ANK3: variants seen among roughly 807,000 people sequenced by gnomAD.
ANK3 encodes the protein ankyrin 3.
In ANK3, 57 loss-of-function variants were observed where a neutral mutation model predicts 370.9. The ratio of observed to expected loss-of-function variants is 0.15; its 90% confidence interval spans 0.12 to 0.19. The LOEUF is 0.19. ANK3 is among the 10% of genes least tolerant of loss of function. The pLI, the probability that ANK3 is intolerant of heterozygous loss-of-function variation, is 1.00. For synonymous variants in ANK3, 1,929 were observed against 1,946.3 expected (o/e 0.99, Z 0.23); for missense variants, 4,439 against 5,302.1 (o/e 0.84, Z 5.06).
chr10:60,464,013 G>C (rs1267073026), intron 2 of ANK3, among the ~76,000 whole-genome samples: 1 of 152,024 alleles, frequency 6.6e-6, no homozygotes, highest in Non-Finnish European at 1.5e-5. Context: ...ACACTGAAAA[G>C]ATTAGCATTG....
intron 23 of ANK3, among the ~76,000 whole-genome samples, chr10:60,156,698 TA>T (rs1315273443): frequency 1.3e-5 from 2 of 152,198 alleles, no homozygotes; most frequent in Non-Finnish European, 2.9e-5. Flanking sequence ...AAGGAGTCTG[TA>T]AGAGTTGCAG....
rs574962633 is a variant in ANK3, at chr10:60,547,402, T to A, written c.96+67784A>T. Among the ~76,000 whole-genome samples, 143 of 151,968 alleles carry A rather than the reference T, an allele frequency of 9.4e-4. 1 individual carries two copies. Among genetic ancestry groups the A allele is most frequent in the African/African-American group, 3.3e-3 (138 of 41,448 alleles). On this transcript the variant is annotated intron_variant, in intron 2 of 43. Coordinates refer to the ANK3 transcript ENST00000373827. The stretch of plus-strand genomic sequence containing the variant: ...CATCGCTCCCGGTCCTTTTCTTTTT[T>A]CTTTTCTTTGTTTTTTTAAGACAGA...
At chr10:60,267,529 T>A (rs1478989692) in intron 5 of ANK3, among the ~76,000 whole-genome samples, 2 of 152,112 alleles carry the variant, frequency 1.3e-5, no homozygotes, top group African/African-American at 4.8e-5. Flanking sequence ...AGTAAAAACT[T>A]TAAAATATAT....
intron 2 of ANK3, among the ~76,000 whole-genome samples, chr10:60,453,479 C>T (rs565354599): frequency 3.9e-5 from 6 of 152,250 alleles, no homozygotes; most frequent in African/African-American, 9.6e-5. Context: ...GTGTCCCAAA[C>T]GTATCTGTGC....
intron 4 of ANK3, among the ~76,000 whole-genome samples, chr10:60,270,945 A>G (rs76687136): frequency 0.026 from 4,027 of 152,272 alleles, 179 homozygotes; most frequent in African/African-American, 0.089. Context: ...ATGTACATAC[A>G]TATGCACATA....
chr10:60,200,305 A>C, intron 12 of ANK3, 78 bp from the exon 13 acceptor site: 1 of 1,155,268 alleles, frequency 8.7e-7, no homozygotes, highest in Non-Finnish European at 1.3e-6. Flanking sequence ...AAAGCTTATG[A>C]TGGACTTTTT....
At chr10:60,213,639 A>G in intron 8 of ANK3, 129 bp from the exon 9 acceptor site, 2 of 457,714 alleles carry the variant, frequency 4.4e-6, no homozygotes, top group Non-Finnish European at 7.5e-6. Context: ...TTGCTCATTT[A>G]TTTCATAAAA....
At chr10:60,618,001 C>T (rs780456263) in intron 1 of ANK3, among the ~76,000 whole-genome samples, 30 of 152,118 alleles carry the variant, frequency 2.0e-4, no homozygotes, top group Non-Finnish European at 1.6e-4. Context: ...GGGCTTAAGA[C>T]AGGTAGTCTT....
intron 1 of ANK3, among the ~76,000 whole-genome samples, chr10:60,646,431 C>G (rs1166119242): frequency 6.6e-6 from 1 of 152,142 alleles, no homozygotes; most frequent in Non-Finnish European, 1.5e-5. Context: ...CAACTGCAGT[C>G]TGGACTAGGT....
At chr10:60,597,039 A>G (rs1467810125) in intron 2 of ANK3, among the ~76,000 whole-genome samples, 1 of 152,236 alleles carries the variant, frequency 6.6e-6, no homozygotes, top group Non-Finnish European at 1.5e-5. Context: ...CCTGATTTAA[A>G]AAATGCAGTT....
chr10:60,292,005 G>A (rs1407062427), intron 1 of ANK3, among the ~76,000 whole-genome samples: 1 of 152,148 alleles, frequency 6.6e-6, no homozygotes, highest in African/African-American at 2.4e-5. Context: ...GAGCCACTGT[G>A]CTCAGCTCAA....
At chr10:60,267,757 TCA>T (rs1045520900) in intron 5 of ANK3, among the ~76,000 whole-genome samples, 44 of 152,284 alleles carry the variant, frequency 2.9e-4, no homozygotes, top group African/African-American at 9.9e-4. Flanking sequence ...GATCCGTACA[TCA>T]CAGTGTGAAA....
At chr10:60,108,325 G>A (rs1411902883) in intron 27 of ANK3, 1 of 286,390 alleles carries the variant, frequency 3.5e-6, no homozygotes, top group South Asian at 2.9e-5. Context: ...AAACGAGAAG[G>A]GGAAATTGTG....
intron 1 of ANK3, among the ~76,000 whole-genome samples, chr10:60,331,913 T>C (rs545520061): frequency 6.6e-6 from 1 of 152,222 alleles, no homozygotes; most frequent in African/African-American, 2.4e-5. Flanking sequence ...AAAGATAAAA[T>C]CAGAAAGAAA....
At chr10:60,272,089 TTGTGTGTGTGTG>T (rs5785433) in intron 4 of ANK3, among the ~76,000 whole-genome samples, 45,235 of 145,606 alleles carry the variant, frequency 0.31, 8,493 homozygotes, top group Middle Eastern at 0.45. Flanking sequence ...ACTGTGGGAT[TTGTGTGTGTGTG>T]TGTGTGTGTG....
chr10:60,082,303 A>C, intron 34 of ANK3, 127 bp from the exon 35 acceptor site: 1 of 899,080 alleles, frequency 1.1e-6, no homozygotes, highest in Non-Finnish European at 1.7e-6. Flanking sequence ...AGCAAAGCAA[A>C]TTTTAAAAAA....
In ANK3 at chr10:60,088,374, A is replaced by C; in HGVS notation, c.3329-16T>G. 1.9e-6 allele frequency: 3 copies of C among 1,606,310 alleles called. No homozygotes were observed. The highest frequency in any genetic ancestry group is 2.6e-6 in the Non-Finnish European group (3 of 1,173,312). Reference sequence around the variant, plus strand: ...CTATCAAGTTCTGAAAAGACAAATGAAAGAAAATGCCATGAGAATAAGCAT... The same window carrying C: ...CTATCAAGTTCTGAAAAGACAAATGCAAGAAAATGCCATGAGAATAAGCAT... On this transcript the variant is annotated splice_polypyrimidine_tract_variant and intron_variant, in intron 28 of 43. Coordinates refer to ENST00000280772, the MANE Select transcript of ANK3 (RefSeq NM_020987.5).
At chr10:60,657,899 T>G (rs927975504) in intron 1 of ANK3, among the ~76,000 whole-genome samples, 2 of 151,032 alleles carry the variant, frequency 1.3e-5, no homozygotes, top group African/African-American at 4.9e-5. Flanking sequence ...GAAACTCTGT[T>G]ACTAGGTACA....
chr10:60,266,684 A>G (rs2097885096), intron 5 of ANK3, among the ~76,000 whole-genome samples: 2 of 152,240 alleles, frequency 1.3e-5, no homozygotes, highest in African/African-American at 4.8e-5. Context: ...AGCCAATTAA[A>G]GACACAAAGA....
Sources: allele counts gnomAD v4.1 joint callset (sites outside exome capture counted in the v4.1 genomes callset), GRCh38; gene constraint gnomAD v4.1.1; transcripts MANE v1.5; gene names NCBI Gene and HGNC (gene_info 2026-07-23, HGNC 2026-07-21).